Variants in DSCAM observed in about 807,000 individuals in gnomAD.
DSCAM encodes cell adhesion molecule DSCAM.
DSCAM carries 47 observed loss-of-function variants against 217.7 expected under a neutral mutation model. The ratio of observed to expected loss-of-function variants is 0.22; its 90% CI spans 0.17 to 0.28. DSCAM has a LOEUF of 0.28. Ranked by LOEUF, DSCAM falls within the 10% of genes least tolerant of loss-of-function variation. DSCAM has a pLI of 1.00. For synonymous variants in DSCAM, 1,056 were observed against 1,015.3 expected, an observed-to-expected ratio of 1.04 and a Z score of -0.76; for missense variants, 2,080 against 2,618.3, an observed-to-expected ratio of 0.79 and a Z score of 4.49.
intron 32 of DSCAM, 72 bp from the exon 33 acceptor site, chr21:40,013,458 A>G (rs1202819513): frequency 6.8e-6 from 8 of 1,183,294 alleles, no homozygotes; most frequent in East Asian, 2.5e-5. Flanking sequence ...CTGTGTGCAC[A>G]CGGGAAGCCA....
At position 40,187,857 on chromosome 21, in the gene DSCAM, CTG is replaced by C. The variant is rs749676131; in HGVS notation, c.2650+32_2650+33del. The C allele has an allele frequency of 1.7e-5, 26 of 1,561,500 alleles. No homozygotes were observed. In the Admixed American group the frequency reaches 3.7e-4, roughly 22 times the overall value. Reference sequence around the variant, plus strand: ...GCATACAGCTCCCATCCTGAAATGACTGTGTTTATTCTCTTACGCTATCGTCT... The same window carrying C: ...GCATACAGCTCCCATCCTGAAATGACTGTTTATTCTCTTACGCTATCGTCT... On this transcript the variant is annotated intron_variant, in intron 13 of 32. Transcript: ENST00000400454.
chr21:40,714,745 C>G (rs7279767), intron 1 of DSCAM, among the ~76,000 whole-genome samples: 18,343 of 152,190 alleles, frequency 0.12, 1,250 homozygotes, highest in African/African-American at 0.18. Context: ...GCTGGAATTA[C>G]TTAAGACTTT....
At chr21:40,598,815 T>G (rs1054459626) in intron 3 of DSCAM, among the ~76,000 whole-genome samples, 1 of 152,188 alleles carries the variant, frequency 6.6e-6, no homozygotes, top group Non-Finnish European at 1.5e-5. Context: ...AACTGTCTTT[T>G]AAAGTGACTC....
intron 3 of DSCAM, among the ~76,000 whole-genome samples, chr21:40,573,700 A>G (rs1170055961): frequency 6.6e-6 from 1 of 152,150 alleles, no homozygotes; most frequent in East Asian, 1.9e-4. Flanking sequence ...AAAATTAACA[A>G]TGTGAGAAAT....
At chr21:40,344,078 T>C (rs1013000261) in intron 6 of DSCAM, among the ~76,000 whole-genome samples, 2 of 152,000 alleles carry the variant, frequency 1.3e-5, no homozygotes, top group South Asian at 2.1e-4. Context: ...TTTGTATTTT[T>C]AGCAGAGACA....
intron 11 of DSCAM, among the ~76,000 whole-genome samples, chr21:40,210,189 T>G (rs943168482): frequency 2.0e-5 from 3 of 152,218 alleles, no homozygotes; most frequent in African/African-American, 7.2e-5. Context: ...CCTCCAGTTC[T>G]TCAAGTTGGA....
chr21:40,517,694 G>A (rs78760200), intron 3 of DSCAM, among the ~76,000 whole-genome samples: 3,648 of 152,198 alleles, frequency 0.024, 142 homozygotes, highest in African/African-American at 0.082. Context: ...AATAGGAGCT[G>A]TGTAAAAAAC....
chr21:40,384,622 A>C (rs2075063621), intron 3 of DSCAM: 1 of 153,482 alleles, frequency 6.5e-6, no homozygotes, highest in Admixed American at 6.5e-5. Context: ...CCACAACAAC[A>C]ACAACAGGAC....
At chr21:40,032,124 TG>T (rs1405458948) in intron 32 of DSCAM, among the ~76,000 whole-genome samples, 1 of 152,202 alleles carries the variant, frequency 6.6e-6, no homozygotes, top group African/African-American at 2.4e-5. Flanking sequence ...GTCAGCTTCA[TG>T]GCAGAACAAG....
chr21:40,695,820 T>C (rs970645738), intron 2 of DSCAM, among the ~76,000 whole-genome samples: 4 of 152,206 alleles, frequency 2.6e-5, no homozygotes, highest in African/African-American at 9.6e-5. Context: ...CCACTATCTA[T>C]AGTTTTTTAA....
chr21:40,611,489 G>C (rs1368126010), intron 3 of DSCAM, among the ~76,000 whole-genome samples: 1 of 152,048 alleles, frequency 6.6e-6, no homozygotes, highest in Admixed American at 6.6e-5. Context: ...TTTGAAAAAG[G>C]GTATGTATTT....
chr21:40,723,105 T>G (rs896078592), intron 1 of DSCAM, among the ~76,000 whole-genome samples: 1 of 151,264 alleles, frequency 6.6e-6, no homozygotes, highest in Non-Finnish European at 1.5e-5. Context: ...TTTTTTTTTT[T>G]AGTGCTAATT....
At chr21:40,433,424 T>C (rs565288460) in intron 3 of DSCAM, among the ~76,000 whole-genome samples, 1 of 150,880 alleles carries the variant, frequency 6.6e-6, no homozygotes, top group African/African-American at 2.4e-5. Context: ...AAGCATAACA[T>C]CTGCCTGTTC....
chr21:40,261,769 G>A (rs59181232), intron 11 of DSCAM, among the ~76,000 whole-genome samples: 24,402 of 151,642 alleles, frequency 0.16, 3,232 homozygotes, highest in African/African-American at 0.35. Context: ...CTCTCTATAT[G>A]TCTTATTGGC....
intron 3 of DSCAM, among the ~76,000 whole-genome samples, chr21:40,582,700 T>A (rs2076914998): frequency 6.6e-6 from 1 of 151,436 alleles, no homozygotes; most frequent in Non-Finnish European, 1.5e-5. Flanking sequence ...TGAGCTCTGG[T>A]TAGAGAGCAT....
intron 1 of DSCAM, among the ~76,000 whole-genome samples, chr21:40,809,014 T>C (rs920545049): frequency 3.9e-5 from 6 of 152,184 alleles, no homozygotes; most frequent in African/African-American, 1.4e-4. Flanking sequence ...ATGGTCAATC[T>C]GATTGTTCTT....
intron 3 of DSCAM, among the ~76,000 whole-genome samples, chr21:40,603,893 T>C (rs1266459750): frequency 6.6e-6 from 1 of 151,576 alleles, no homozygotes; most frequent in African/African-American, 2.4e-5. Flanking sequence ...AGTTTGGATA[T>C]GACATGCCTA....
chr21:40,797,933 T>C (rs1245075320), intron 1 of DSCAM, among the ~76,000 whole-genome samples: 2 of 152,110 alleles, frequency 1.3e-5, no homozygotes, highest in Non-Finnish European at 2.9e-5. Flanking sequence ...GAATTTTATC[T>C]TGTCATCTGG....
rs2074464168 is a variant in DSCAM, at chr21:40,339,371, T to C, written c.1255A>G (p.Ser419Gly). ...ATAAGGGAAACCGGCTCTGCTGGACTCACCACCTTTTCACTAAAGGCAGAA... is the reference window on the plus strand; with the variant it reads ...ATAAGGGAAACCGGCTCTGCTGGACCCACCACCTTTTCACTAAAGGCAGAA... ...IISAFSEKVV[S>G]PAEPVSLMCN... Residue 419 changes from serine to glycine, a missense_variant, in exon 7 of 33, where the codon AGT becomes GGT. Physicochemically the swap from Ser to Gly is moderately conservative, Grantham distance 56. This residue lies in a region of DSCAM where 568 missense variants were observed against 678.1 expected (regional missense o/e 0.84). Transcript: ENST00000400454. The C allele has an allele frequency of 6.2e-7, 1 of 1,612,266 alleles. No homozygotes were observed. The highest frequency in any genetic ancestry group is 2.2e-5 in the East Asian group (1 of 44,824).
Sources: gnomAD v4.1 joint callset for allele counts (sites outside exome capture counted in the v4.1 genomes callset) on GRCh38, gnomAD v4.1.1 for gene constraint, gnomAD v4.1.1 regional missense constraint, MANE v1.5 for transcripts, NCBI Gene and HGNC (gene_info 2026-07-23, HGNC 2026-07-21) for gene names.